The following NAALADL2 variants were observed in gnomAD, a reference collection of about 807,000 sequenced individuals.
NAALADL2 encodes N-acetylated alpha-linked acidic dipeptidase like 2.
NAALADL2 carries 76 observed loss-of-function variants against 87.2 expected under a neutral mutation model. The ratio of observed to expected loss-of-function variants is 0.87; its 90% CI spans 0.72 to 1.05. The LOEUF (loss-of-function observed/expected upper bound fraction) is 1.05. Ranked by LOEUF, NAALADL2 falls within the 50% of genes least tolerant of loss-of-function variation. NAALADL2 has a pLI of 0.00. For synonymous variants in NAALADL2, 354 were observed against 331.0 expected, an observed-to-expected ratio of 1.07 and a Z score of -0.75; for missense variants, 1,089 against 945.8, an observed-to-expected ratio of 1.15 and a Z score of -1.99.
chr3:175,462,774 C>A (rs1723341140), intron 6 of NAALADL2, among the ~76,000 whole-genome samples: 1 of 152,028 alleles, frequency 6.6e-6, no homozygotes, highest in Non-Finnish European at 1.5e-5. Flanking sequence ...TTTTGAATAT[C>A]AAACATAAAC....
intron 3 of NAALADL2, among the ~76,000 whole-genome samples, chr3:174,815,830 GTTTT>G (rs10589968): frequency 0.1 from 11,756 of 114,732 alleles, 553 homozygotes; most frequent in Non-Finnish European, 0.15. Flanking sequence ...TTTGACTTTA[GTTTT>G]TTTTTTTTTT....
At chr3:174,495,263 CAAAAAAAAAAAAAAAAA>C (rs199803612) in intron 1 of NAALADL2, among the ~76,000 whole-genome samples, 1 of 120,394 alleles carries the variant, frequency 8.3e-6, no homozygotes. Context: ...ATTAACAAAC[CAAAAAAAAAAAAAAAAA>C]ACAGCCTTAC....
At chr3:175,742,437 A>G (rs149258609) in intron 12 of NAALADL2, among the ~76,000 whole-genome samples, 2,634 of 152,142 alleles carry the variant, frequency 0.017, 70 homozygotes, top group African/African-American at 0.056. Context: ...TCGCTCTGTC[A>G]CCCAGGCTGG....
chr3:174,717,905 C>T (rs1731347100), intron 2 of NAALADL2, among the ~76,000 whole-genome samples: 2 of 152,204 alleles, frequency 1.3e-5, no homozygotes, highest in South Asian at 2.1e-4. Context: ...GCGGGCAGAT[C>T]ACCTGAAGTC....
At chr3:175,659,066 G>A (rs1184835473) in intron 11 of NAALADL2, among the ~76,000 whole-genome samples, 1 of 152,148 alleles carries the variant, frequency 6.6e-6, no homozygotes, top group Admixed American at 6.5e-5. Context: ...ATGTAACTAC[G>A]GGAAATTTAG....
intron 2 of NAALADL2, among the ~76,000 whole-genome samples, chr3:175,207,789 G>A (rs147314371): frequency 2.5e-4 from 38 of 152,186 alleles, no homozygotes; most frequent in African/African-American, 8.9e-4. Flanking sequence ...AAAAAAGGAA[G>A]CCGCTCTAAA....
intron 1 of NAALADL2, among the ~76,000 whole-genome samples, chr3:174,517,927 C>T (rs971849327): frequency 2.0e-5 from 3 of 152,034 alleles, no homozygotes; most frequent in African/African-American, 7.2e-5. Flanking sequence ...TTCTTTTATA[C>T]ACAAGTCCCA....
chr3:174,526,014 G>A lies in NAALADL2; in HGVS notation c.-183-24555G>A, dbSNP rs1291472678. Among the ~76,000 whole-genome samples, 5 of 152,104 alleles carry A rather than the reference G, an allele frequency of 3.3e-5. No homozygotes were observed. The East Asian group carries it at 9.6e-4, about 29-fold the overall frequency. ...GTAGTGGAACTAGTATCTAAATATA[G>A]GCTAATCTGATCCTAAAGCCTGAAA... On this transcript the variant is annotated intron_variant, in intron 1 of 3. Coordinates refer to the NAALADL2 transcript ENST00000434257.
At chr3:174,910,593 G>A (rs1317752127) in intron 1 of NAALADL2, among the ~76,000 whole-genome samples, 1 of 151,988 alleles carries the variant, frequency 6.6e-6, no homozygotes, top group African/African-American at 2.4e-5. Flanking sequence ...ACATATGCAG[G>A]TAGGAGTTAA....
chr3:175,189,629 G>A (rs1437501128), intron 2 of NAALADL2, among the ~76,000 whole-genome samples: 1 of 152,142 alleles, frequency 6.6e-6, no homozygotes, highest in African/African-American at 2.4e-5. Context: ...TATTGTTAAA[G>A]TGTGCTTACT....
At chr3:175,151,972 T>A (rs1252703083) in intron 2 of NAALADL2, among the ~76,000 whole-genome samples, 2 of 152,212 alleles carry the variant, frequency 1.3e-5, no homozygotes, top group African/African-American at 2.4e-5. Flanking sequence ...TCTACTATAG[T>A]AATGCCATTC....
chr3:175,533,281 T>G lies in NAALADL2; in HGVS notation c.1654-42760T>G, dbSNP rs150113562. ...GAAAACTCAAGCAGTTATTTTCAAG[T>G]GTAGCACATCTCCTCATGGGTCACA... On this transcript the variant is annotated intron_variant, in intron 9 of 13. Transcript: ENST00000454872. 2.2e-3 allele frequency among the ~76,000 whole-genome samples: 338 copies of G among 152,336 alleles called. 5 individuals are homozygous for G. Among genetic ancestry groups the G allele is most frequent in the African/African-American group, 7.3e-3 (304 of 41,576 alleles).
At chr3:174,500,540 A>G (rs1236559269) in intron 1 of NAALADL2, among the ~76,000 whole-genome samples, 1 of 152,156 alleles carries the variant, frequency 6.6e-6, no homozygotes, top group African/African-American at 2.4e-5. Context: ...TGATTTTGGG[A>G]GGAAAACATT....
intron 2 of NAALADL2, among the ~76,000 whole-genome samples, chr3:174,610,913 C>G (rs995746072): frequency 6.6e-6 from 1 of 152,080 alleles, no homozygotes; most frequent in African/African-American, 2.4e-5. Flanking sequence ...TTGGCAGCAA[C>G]CCAAATGTCC....
intron 10 of NAALADL2, among the ~76,000 whole-genome samples, chr3:175,616,361 TA>T (rs1302930741): frequency 1.3e-5 from 2 of 151,290 alleles, no homozygotes; most frequent in East Asian, 3.9e-4. Flanking sequence ...CTATCACTAT[TA>T]AATCAGTAGT....
chr3:175,081,214 C>G (rs1717745628), intron 1 of NAALADL2: 1 of 152,040 alleles, frequency 6.6e-6, no homozygotes, highest in South Asian at 2.1e-4. Flanking sequence ...TGAAGCAAAA[C>G]AAGACAAAAT....
intron 2 of NAALADL2, among the ~76,000 whole-genome samples, chr3:175,147,020 T>A (rs895108326): frequency 1.3e-5 from 2 of 152,170 alleles, no homozygotes; most frequent in Non-Finnish European, 2.9e-5. Context: ...ATTTTTGTCT[T>A]TTTTTAGGAA....
rs76957466 is a variant in NAALADL2 at position 175,635,802 on chromosome 3, G to C, written c.1896+8416G>C. On this transcript the variant is annotated intron_variant, in intron 11 of 13. Coordinates refer to ENST00000454872, the MANE Select transcript of NAALADL2 (RefSeq NM_207015.3). ...ATAATACCATTCTCAAGGTGCTGTA[G>C]AAGTACAGAGACGAAGGGCAGAATA... is the stretch of plus-strand genomic sequence containing the variant. 1.0e-3 allele frequency among the ~76,000 whole-genome samples: 154 copies of C among 152,168 alleles called. 1 individual carries two copies. The highest frequency in any genetic ancestry group is 3.4e-3 in the African/African-American group (141 of 41,522).
At chr3:175,580,239 T>C (rs539356399) in intron 10 of NAALADL2, among the ~76,000 whole-genome samples, 2 of 151,356 alleles carry the variant, frequency 1.3e-5, no homozygotes. Flanking sequence ...TAATTATGCC[T>C]CTGTGTGTGT....
Sources: allele counts gnomAD v4.1 joint callset (sites outside exome capture counted in the v4.1 genomes callset), GRCh38; gene constraint gnomAD v4.1.1; transcripts MANE v1.5; gene names NCBI Gene and HGNC (gene_info 2026-07-23, HGNC 2026-07-21).